The following HOATZ variants were observed in gnomAD, a reference collection of about 807,000 sequenced individuals.
HOATZ encodes cilia- and flagella-associated protein HOATZ.
HOATZ carries 26 observed loss-of-function variants against 24.9 expected under a neutral mutation model. The ratio of observed to expected loss-of-function variants is 1.04; its 90% CI spans 0.76 to 1.45. The LOEUF is 1.45. Ranked by LOEUF, HOATZ falls within the 40% of genes most tolerant of loss-of-function variation. HOATZ has a pLI of 0.00. For missense variants in HOATZ, 226 were observed against 201.5 expected (o/e 1.12, Z -0.74); for synonymous variants, 83 against 76.6 (o/e 1.08, Z -0.43).
chr11:111,524,981 G>T, intron 3 of HOATZ: 1 of 394,978 alleles, frequency 2.5e-6, no homozygotes, highest in Non-Finnish European at 5.0e-6. Flanking sequence ...TCCCACCTCA[G>T]CCTCAGCCTC....
At chr11:111,520,752 G>A (rs886627063) in intron 3 of HOATZ, among the ~76,000 whole-genome samples, 9 of 152,162 alleles carry the variant, frequency 5.9e-5, no homozygotes, top group Non-Finnish European at 1.3e-4. Context: ...GAAATCTTGT[G>A]CCATCCCACT....
intron 3 of HOATZ, among the ~76,000 whole-genome samples, chr11:111,523,744 T>C (rs540083811): frequency 2.0e-5 from 3 of 152,362 alleles, no homozygotes; most frequent in Non-Finnish European, 2.9e-5. Flanking sequence ...ACATTAAACC[T>C]ACAGTTTCTT....
chr11:111,516,146 T>C (rs1181654035), intron 3 of HOATZ, 36 bp downstream of exon 3: 1 of 1,280,344 alleles, frequency 7.8e-7, no homozygotes, highest in Non-Finnish European at 1.1e-6. Context: ...CTGATCATCA[T>C]TAAATTTCTA....
intron 3 of HOATZ, among the ~76,000 whole-genome samples, chr11:111,531,378 A>C: frequency 6.6e-6 from 1 of 152,234 alleles, no homozygotes; most frequent in South Asian, 2.1e-4. Flanking sequence ...AAGGATAAAG[A>C]GATGAGTAAG....
At chr11:111,518,533 A>G (rs1867233493) in intron 3 of HOATZ, among the ~76,000 whole-genome samples, 2 of 152,160 alleles carry the variant, frequency 1.3e-5, no homozygotes, top group African/African-American at 4.8e-5. Context: ...TTGGCCAAAC[A>G]AGGCCTAAAA....
intron 3 of HOATZ, among the ~76,000 whole-genome samples, chr11:111,521,157 C>T (rs1316953466): frequency 6.6e-6 from 1 of 152,060 alleles, no homozygotes; most frequent in Non-Finnish European, 1.5e-5. Flanking sequence ...ACAGTTTCTT[C>T]TGCCTGGAAA....
chr11:111,526,498 G>A, intron 3 of HOATZ, among the ~76,000 whole-genome samples: 1 of 152,058 alleles, frequency 6.6e-6, no homozygotes, highest in East Asian at 1.9e-4. Context: ...GGATATGGGA[G>A]GTGAGGTACA....
At chr11:111,533,697 A>C (rs760372381) in intron 3 of HOATZ, 49 bp from the exon 4 acceptor site, 2 of 1,279,110 alleles carry the variant, frequency 1.6e-6, no homozygotes, top group Non-Finnish European at 2.2e-6. Context: ...CGTAGGCGTA[A>C]GTCTTTATTA....
intron 1 of HOATZ, chr11:111,515,230 T>G (rs1867170955): frequency 1.7e-6 from 1 of 600,642 alleles, no homozygotes; most frequent in African/African-American, 1.9e-5. Flanking sequence ...AAGTTTCCCT[T>G]AAATTATGGC....
chr11:111,516,354 T>TA (rs1046753724), intron 3 of HOATZ, among the ~76,000 whole-genome samples: 8 of 151,722 alleles, frequency 5.3e-5, no homozygotes, highest in Non-Finnish European at 1.0e-4. Flanking sequence ...TAGAAAGAGG[T>TA]AGAGTCACAC....
At chr11:111,527,572 G>T (rs1867352805) in intron 3 of HOATZ, among the ~76,000 whole-genome samples, 1 of 152,152 alleles carries the variant, frequency 6.6e-6, no homozygotes, top group African/African-American at 2.4e-5. Context: ...TTTAAAATCA[G>T]ATTATACTGG....
chr11:111,533,867 G>A, intron 4 of HOATZ, 62 bp downstream of exon 4: 1 of 1,278,156 alleles, frequency 7.8e-7, no homozygotes. Flanking sequence ...GGCAAATTTT[G>A]CAGAGGTTTT....
At chr11:111,516,258 A>G in intron 3 of HOATZ, 148 bp downstream of exon 3, 1 of 546,010 alleles carries the variant, frequency 1.8e-6, no homozygotes, top group Non-Finnish European at 3.2e-6. Flanking sequence ...TTTTAATTGA[A>G]AATTTAAAAA....
At chr11:111,536,648 C>A in intron 5 of HOATZ, 122 bp from the exon 6 acceptor site, 1 of 762,112 alleles carries the variant, frequency 1.3e-6, no homozygotes. Flanking sequence ...CAAAACCCAA[C>A]ACATAGAATC....
intron 4 of HOATZ, 67 bp from the exon 5 acceptor site, chr11:111,534,345 G>C: frequency 1.8e-6 from 2 of 1,133,754 alleles, no homozygotes; most frequent in South Asian, 2.7e-5. Context: ...TTTTTCAAAT[G>C]AGTAAATTCC....
chr11:111,536,956 G>A lies in HOATZ; in HGVS notation c.*129G>A, dbSNP rs753582935. ...CAAAGAAATACAAGTTAAATACGCAGACTTCCAGGAATTTTACCAGTTAGT... is the reference window on the plus strand; with the variant it reads ...CAAAGAAATACAAGTTAAATACGCAAACTTCCAGGAATTTTACCAGTTAGT... On this transcript the variant is annotated 3_prime_UTR_variant, in exon 6 of 6. Coordinates refer to ENST00000375618, the MANE Select transcript of HOATZ (RefSeq NM_001100388.2). 2.0e-5 allele frequency: 14 copies of A among 699,834 alleles called. No homozygotes were observed. The highest frequency in any genetic ancestry group is 2.4e-5 in the Admixed American group (1 of 41,040). The allele number at this position is 699,834 out of a possible 1,614,324, so 43.4% of individuals were successfully genotyped here. A position where few individuals can be genotyped will look rare whatever the true frequency, so the allele number is the denominator to read the frequency against.
chr11:111,519,736 A>G (rs2135774342), intron 3 of HOATZ, among the ~76,000 whole-genome samples: 1 of 152,326 alleles, frequency 6.6e-6, no homozygotes, highest in South Asian at 2.1e-4. Context: ...TTGAACATAT[A>G]CATTGATAAG....
At chr11:111,517,355 G>T (rs908285282) in intron 3 of HOATZ, among the ~76,000 whole-genome samples, 1 of 152,124 alleles carries the variant, frequency 6.6e-6, no homozygotes, top group Non-Finnish European at 1.5e-5. Context: ...TTTTAGGAAA[G>T]GATTAGAAAT....
intron 3 of HOATZ, among the ~76,000 whole-genome samples, chr11:111,529,208 A>G (rs1418100060): frequency 6.6e-6 from 1 of 152,172 alleles, no homozygotes; most frequent in Non-Finnish European, 1.5e-5. Flanking sequence ...AATAAGCATT[A>G]GCATTAAATG....
Sources: allele counts gnomAD v4.1 joint callset (sites outside exome capture counted in the v4.1 genomes callset), GRCh38; gene constraint gnomAD v4.1.1; transcripts MANE v1.5; gene names NCBI Gene and HGNC (gene_info 2026-07-23, HGNC 2026-07-21).